Variants in HPSE2 observed in about 807,000 individuals in gnomAD.
The protein encoded by HPSE2 is inactive heparanase-2.
A neutral mutation model predicts 60.5 loss-of-function variants in HPSE2; 38 were observed. The ratio of observed to expected loss-of-function variants is 0.63; its 90% confidence interval spans 0.48 to 0.82. The LOEUF (loss-of-function observed/expected upper bound fraction) is 0.82. HPSE2 is among the 40% of genes least tolerant of loss of function. The pLI is 0.00. For synonymous variants in HPSE2, 295 were observed against 293.2 expected (o/e 1.01, Z -0.06); for missense variants, 713 against 740.4 (o/e 0.96, Z 0.43).
chr10:98,645,584 C>T (rs1205093477), intron 6 of HPSE2, among the ~76,000 whole-genome samples: 1 of 152,200 alleles, frequency 6.6e-6, no homozygotes, highest in East Asian at 1.9e-4. Context: ...GTTTCAGCAA[C>T]TTTCATTTGC....
chr10:98,912,396 A>C (rs1954003343), intron 3 of HPSE2, among the ~76,000 whole-genome samples: 1 of 152,176 alleles, frequency 6.6e-6, no homozygotes, highest in Admixed American at 6.5e-5. Context: ...GTTCCTCAAG[A>C]AAGTAAAAAT....
the HPSE2 span, among the ~76,000 whole-genome samples, chr10:99,275,474 A>C: frequency 3.4e-5 from 5 of 146,446 alleles, no homozygotes; most frequent in Admixed American, 3.3e-4. Flanking sequence ...TAATAAGTAA[A>C]CAATGACCAA....
At chr10:99,006,646 C>A (rs7897719) in intron 3 of HPSE2, among the ~76,000 whole-genome samples, 24,057 of 151,810 alleles carry the variant, frequency 0.16, 2,755 homozygotes, top group African/African-American at 0.32. Context: ...TCTATAGGTA[C>A]CAGCTTGATG....
At chr10:98,536,805 G>C (rs534247066) in intron 9 of HPSE2, among the ~76,000 whole-genome samples, 35 of 152,140 alleles carry the variant, frequency 2.3e-4, no homozygotes, top group Non-Finnish European at 4.6e-4. Context: ...GAATGTAAGA[G>C]AGTTTACTCA....
At chr10:98,717,292 C>A (rs913302623) in intron 5 of HPSE2, among the ~76,000 whole-genome samples, 1 of 152,102 alleles carries the variant, frequency 6.6e-6, no homozygotes, top group Admixed American at 6.6e-5. Flanking sequence ...TCCATAGCTG[C>A]AATAAGGCTG....
intron 3 of HPSE2, among the ~76,000 whole-genome samples, chr10:98,887,253 A>G (rs369726975): frequency 1.4e-4 from 22 of 152,246 alleles, no homozygotes; most frequent in African/African-American, 2.6e-4. Context: ...GTTTATCTCA[A>G]TTTCCTCAGG....
chr10:98,671,680 G>A (rs1289570287), intron 6 of HPSE2, among the ~76,000 whole-genome samples: 2 of 152,136 alleles, frequency 1.3e-5, no homozygotes, highest in Non-Finnish European at 2.9e-5. Flanking sequence ...GGGTGATAAA[G>A]GGAAGGGAAA....
chr10:98,586,673 T>G (rs1016815816), intron 9 of HPSE2, among the ~76,000 whole-genome samples: 1 of 152,210 alleles, frequency 6.6e-6, no homozygotes, highest in African/African-American at 2.4e-5. Context: ...ATTAAAGAGT[T>G]GAGGACATAC....
intron 5 of HPSE2, among the ~76,000 whole-genome samples, chr10:98,716,867 C>A (rs908717470): frequency 2.6e-5 from 4 of 151,984 alleles, no homozygotes; most frequent in African/African-American, 9.7e-5. Context: ...GTAAACCATG[C>A]TGTAAACAGA....
chr10:99,191,793 G>A (rs978874313), intron 2 of HPSE2, among the ~76,000 whole-genome samples: 1 of 152,014 alleles, frequency 6.6e-6, no homozygotes, highest in Non-Finnish European at 1.5e-5. Context: ...AGGCCACCAG[G>A]GACCAATCCT....
chr10:98,730,590 AAGAG>A (rs1173139807), intron 4 of HPSE2, among the ~76,000 whole-genome samples: 2 of 152,112 alleles, frequency 1.3e-5, no homozygotes, highest in South Asian at 2.1e-4. Flanking sequence ...CCACCGAAAA[AAGAG>A]AGAGAGAAGT....
intron 3 of HPSE2, among the ~76,000 whole-genome samples, chr10:99,009,193 C>T (rs1364001631): frequency 7.7e-6 from 1 of 129,052 alleles, no homozygotes; most frequent in East Asian, 2.3e-4. Flanking sequence ...CGCTAGAAGC[C>T]AGGGGTTCAC....
intron 5 of HPSE2, among the ~76,000 whole-genome samples, chr10:98,701,792 G>A (rs1026036316): frequency 6.6e-6 from 1 of 151,984 alleles, no homozygotes; most frequent in East Asian, 1.9e-4. Flanking sequence ...TGCCTTGCAA[G>A]AGCTCCTAAA....
chr10:99,298,092 G>A, the HPSE2 span, among the ~76,000 whole-genome samples: 58 of 152,304 alleles, frequency 3.8e-4, no homozygotes, highest in East Asian at 0.01. Flanking sequence ...TTAGCCAAGT[G>A]GCCACCCAAT....
chr10:99,140,049 G>T (rs1345605597), intron 3 of HPSE2, among the ~76,000 whole-genome samples: 2 of 152,056 alleles, frequency 1.3e-5, no homozygotes, highest in African/African-American at 2.4e-5. Flanking sequence ...TTTTCAAGGT[G>T]TTTTTTTAAA....
rs1280035910 is a variant in HPSE2, at chr10:98,934,903, A to T, written c.611-190847T>A. Among the ~76,000 whole-genome samples the T allele has an allele frequency of 5.6e-5, 8 of 143,488 alleles. 2 individuals are homozygous for T. The highest frequency in any genetic ancestry group is 5.6e-4 in the Admixed American group (8 of 14,382). The allele number at this position is 143,488 out of a possible 152,430, so 94.1% of individuals were successfully genotyped here. ...TTTACAACTTGGTTCCATTCTCCCC[A>T]TCTCTTTCAGGTATCCAAACAGTCA... On this transcript the variant is annotated intron_variant, in intron 3 of 11. Coordinates refer to ENST00000370552, the MANE Select transcript of HPSE2 (RefSeq NM_021828.5).
At chr10:98,849,580 G>A (rs994250719) in intron 3 of HPSE2, among the ~76,000 whole-genome samples, 5 of 152,172 alleles carry the variant, frequency 3.3e-5, no homozygotes, top group Admixed American at 2.6e-4. Flanking sequence ...GGCTTTGGAA[G>A]TAAAAGTCAA....
intron 3 of HPSE2, among the ~76,000 whole-genome samples, chr10:98,923,650 T>C (rs1707190031): frequency 6.6e-6 from 1 of 152,016 alleles, no homozygotes. Context: ...GGCTCACTAA[T>C]TCTTTCTTCT....
intron 3 of HPSE2, among the ~76,000 whole-genome samples, chr10:98,883,733 G>C (rs1464053085): frequency 6.6e-6 from 1 of 152,104 alleles, no homozygotes; most frequent in African/African-American, 2.4e-5. Context: ...GAGCCTAGGA[G>C]TTCAAGCCTG....
Sources: allele counts gnomAD v4.1 joint callset (sites outside exome capture counted in the v4.1 genomes callset), GRCh38; gene constraint gnomAD v4.1.1; transcripts MANE v1.5; gene names NCBI Gene and HGNC (gene_info 2026-07-23, HGNC 2026-07-21).